The following PDE1A variants were observed in gnomAD, a reference collection of about 807,000 sequenced individuals.
PDE1A encodes dual specificity calcium/calmodulin-dependent 3',5'-cyclic nucleotide phosphodiesterase 1A.
PDE1A carries 35 observed loss-of-function variants against 61.7 expected under a neutral mutation model. That is an observed-to-expected ratio of 0.57 (90% CI 0.43 to 0.75). The LOEUF (loss-of-function observed/expected upper bound fraction) is 0.75. PDE1A is among the 30% of genes least tolerant of loss of function. The probability of loss-of-function intolerance (pLI) is 0.00; values close to 1 mark genes in which losing one functional copy is unlikely to be tolerated. For synonymous variants in PDE1A, 232 were observed against 213.2 expected, an observed-to-expected ratio of 1.09 and a Z score of -0.77; for missense variants, 597 against 630.6, an observed-to-expected ratio of 0.95 and a Z score of 0.57.
intron 8 of PDE1A, among the ~76,000 whole-genome samples, chr2:182,205,025 A>G (rs930081563): frequency 1.9e-4 from 29 of 152,088 alleles, no homozygotes; most frequent in African/African-American, 6.5e-4. Flanking sequence ...TAATGTTTTT[A>G]TTGTCACTTT....
downstream of PDE1A, among the ~76,000 whole-genome samples, chr2:182,167,063 C>T (rs1445770398): frequency 6.6e-6 from 1 of 152,056 alleles, no homozygotes; most frequent in African/African-American, 2.4e-5. Context: ...TTCTGAGAGA[C>T]CAAAATAAAT....
At chr2:182,160,929 A>G (rs1379159351) in intron 13 of PDE1A, among the ~76,000 whole-genome samples, 2 of 152,144 alleles carry the variant, frequency 1.3e-5, no homozygotes, top group East Asian at 1.9e-4. Context: ...ATCTGATTAA[A>G]CCTAAATAGT....
chr2:182,714,829 G>A, the PDE1A span, among the ~76,000 whole-genome samples: 3 of 152,098 alleles, frequency 2.0e-5, no homozygotes, highest in Non-Finnish European at 4.4e-5. Context: ...AAAGTTCTGC[G>A]ATTACAAGCG....
At chr2:182,280,893 CT>C (rs540122081) in intron 1 of PDE1A, among the ~76,000 whole-genome samples, 193 of 151,908 alleles carry the variant, frequency 1.3e-3, no homozygotes, top group African/African-American at 4.4e-3. Context: ...GTAAAAACTT[CT>C]TTTTAATGAT....
At chr2:182,326,054 G>A (rs138012186) in intron 1 of PDE1A, among the ~76,000 whole-genome samples, 526 of 152,208 alleles carry the variant, frequency 3.5e-3, no homozygotes, top group African/African-American at 0.012. Context: ...CTAATCACTA[G>A]GAAAATGCAA....
At chr2:182,223,545 T>A (rs938301729) in intron 7 of PDE1A, among the ~76,000 whole-genome samples, 3 of 152,062 alleles carry the variant, frequency 2.0e-5, no homozygotes, top group African/African-American at 7.2e-5. Context: ...TTAAGCATTA[T>A]GTTGCAAGAT....
intron 2 of PDE1A, among the ~76,000 whole-genome samples, chr2:182,443,410 T>C (rs1684918192): frequency 6.6e-6 from 1 of 152,098 alleles, no homozygotes; most frequent in Non-Finnish European, 1.5e-5. Context: ...TCAGGTTGAA[T>C]TGTAATTCTC....
At chr2:182,323,220 C>T (rs1239438141) in intron 1 of PDE1A, among the ~76,000 whole-genome samples, 1 of 152,018 alleles carries the variant, frequency 6.6e-6, no homozygotes, top group Non-Finnish European at 1.5e-5. Context: ...GAAAAACATA[C>T]CCGGTTTATC....
At chr2:182,417,801 C>A (rs1703011285) in intron 1 of PDE1A, among the ~76,000 whole-genome samples, 1 of 152,070 alleles carries the variant, frequency 6.6e-6, no homozygotes, top group Non-Finnish European at 1.5e-5. Context: ...TTTCTACCCC[C>A]AGAGTTAACG....
chr2:182,641,028 A>AAAAAAAAAAAG, the PDE1A span, among the ~76,000 whole-genome samples: 597 of 149,538 alleles, frequency 4.0e-3, 12 homozygotes, highest in African/African-American at 0.014. Flanking sequence ...TCAAAAAAAA[A>AAAAAAAAAAAG]AAGAAGAAGA....
chr2:182,167,031 A>G (rs922734767), downstream of PDE1A, among the ~76,000 whole-genome samples: 3 of 152,130 alleles, frequency 2.0e-5, no homozygotes, highest in African/African-American at 7.2e-5. Context: ...TCCAACAAAA[A>G]CAGTACAGTA....
At chr2:182,352,454 T>G (rs1176280601) in intron 1 of PDE1A, among the ~76,000 whole-genome samples, 1 of 152,166 alleles carries the variant, frequency 6.6e-6, no homozygotes, top group Non-Finnish European at 1.5e-5. Flanking sequence ...TCTTGGCTTC[T>G]AAGAAGGGTT....
downstream of PDE1A, among the ~76,000 whole-genome samples, chr2:182,164,998 A>C (rs1691580155): frequency 6.6e-6 from 1 of 152,104 alleles, no homozygotes; most frequent in Admixed American, 6.6e-5. Context: ...CATAGAATTC[A>C]CTGGTCTTAG....
At position 182,440,441 on chromosome 2, in the gene PDE1A, T is replaced by C. The variant is rs571548168; in HGVS notation, c.101+81835A>G. 2.0e-5 allele frequency among the ~76,000 whole-genome samples: 3 copies of C among 152,210 alleles called. No homozygotes were observed. The South Asian group carries it at 6.2e-4, about 32-fold the overall frequency. On this transcript the variant is annotated intron_variant, in intron 2 of 14. Coordinates refer to the PDE1A transcript ENST00000410103. ...ATGGGATGCTACTTAGTTATAGGCA[T>C]GCCTTTAAATCATACCACATAGCTG...
chr2:182,217,608 G>A (rs1391606603), intron 7 of PDE1A, among the ~76,000 whole-genome samples: 3 of 145,906 alleles, frequency 2.1e-5, no homozygotes, highest in Non-Finnish European at 3.0e-5. Context: ...AGTGGGCAAA[G>A]GACATGAACA....
chr2:182,405,836 C>T (rs554481392), intron 1 of PDE1A, among the ~76,000 whole-genome samples: 1 of 151,970 alleles, frequency 6.6e-6, no homozygotes, highest in East Asian at 1.9e-4. Flanking sequence ...TTGATCATTC[C>T]ACATTATGTA....
intron 1 of PDE1A, among the ~76,000 whole-genome samples, chr2:182,349,467 T>G (rs1009361933): frequency 6.6e-6 from 1 of 152,178 alleles, no homozygotes; most frequent in African/African-American, 2.4e-5. Context: ...ATGTTTTTTA[T>G]TTTTCTTGGT....
the PDE1A span, among the ~76,000 whole-genome samples, chr2:182,599,724 G>A: frequency 6.6e-6 from 1 of 152,052 alleles, no homozygotes; most frequent in Non-Finnish European, 1.5e-5. Context: ...AAAATTATTT[G>A]TTGCCTATCT....
chr2:182,697,858 T>C, the PDE1A span, among the ~76,000 whole-genome samples: 337 of 152,290 alleles, frequency 2.2e-3, 1 homozygote, highest in African/African-American at 7.8e-3. Context: ...ACTCTGTTGA[T>C]GAGAAAACCC....
Sources: allele counts gnomAD v4.1 joint callset (sites outside exome capture counted in the v4.1 genomes callset), GRCh38; gene constraint gnomAD v4.1.1; transcripts MANE v1.5; gene names NCBI Gene and HGNC (gene_info 2026-07-23, HGNC 2026-07-21).